Variants in CRIM1 observed in about 807,000 individuals in gnomAD.
The protein encoded by CRIM1 is cysteine rich transmembrane BMP regulator 1.
CRIM1 carries 32 observed loss-of-function variants against 116.4 expected under a neutral mutation model. The ratio of observed to expected loss-of-function variants is 0.27; its 90% CI spans 0.21 to 0.37. The LOEUF is 0.37. CRIM1 is among the 10% of genes least tolerant of loss of function. The probability of loss-of-function intolerance (pLI) is 1.00; values close to 1 mark genes in which losing one functional copy is unlikely to be tolerated. For missense variants in CRIM1, 1,331 were observed against 1,354.8 expected, an observed-to-expected ratio of 0.98 and a Z score of 0.28; for synonymous variants, 590 against 509.2, an observed-to-expected ratio of 1.16 and a Z score of -2.13.
intron 5 of CRIM1, among the ~76,000 whole-genome samples, chr2:36,470,672 C>A (rs996427000): frequency 1.3e-5 from 2 of 152,194 alleles, no homozygotes; most frequent in African/African-American, 4.8e-5. Flanking sequence ...TGCACCTGGT[C>A]TCCCAAGAGC....
chr2:36,369,267 C>T (rs1669793136), intron 1 of CRIM1: 2 of 152,252 alleles, frequency 1.3e-5, no homozygotes, highest in South Asian at 4.1e-4. Context: ...AGAGACCCCA[C>T]TTGCCCACAT....
At chr2:36,370,216 TA>T (rs1268354518) in intron 1 of CRIM1, among the ~76,000 whole-genome samples, 2 of 150,970 alleles carry the variant, frequency 1.3e-5, no homozygotes, top group Non-Finnish European at 3.0e-5. Context: ...TTTTTTTTTT[TA>T]AATAGTATGC....
intron 7 of CRIM1, among the ~76,000 whole-genome samples, chr2:36,487,984 C>T (rs142707670): frequency 1.6e-4 from 24 of 152,168 alleles, no homozygotes; most frequent in Non-Finnish European, 2.8e-4. Context: ...AAATAGGTTG[C>T]GATTCTAATA....
intron 4 of CRIM1, among the ~76,000 whole-genome samples, chr2:36,451,233 T>C (rs1676695646): frequency 6.6e-6 from 1 of 152,160 alleles, no homozygotes; most frequent in Non-Finnish European, 1.5e-5. Flanking sequence ...CTTACAGATA[T>C]GACCAATGCC....
chr2:36,394,436 A>G (rs1434198230), intron 1 of CRIM1, among the ~76,000 whole-genome samples: 1 of 152,056 alleles, frequency 6.6e-6, no homozygotes, highest in Non-Finnish European at 1.5e-5. Flanking sequence ...GTTATAACTG[A>G]AGACAAATAT....
At position 36,517,504 on chromosome 2, in the gene CRIM1, C is replaced by T. The variant is rs1385092540; in HGVS notation, c.2168C>T (p.Pro723Leu). 6.2e-7 allele frequency: 1 copy of T among 1,614,066 alleles called. No individual in the cohort carries two copies. Among genetic ancestry groups the T allele is most frequent in the Non-Finnish European group, 8.5e-7 (1 of 1,179,982 alleles). ...TGCCCACCGCTGCTCTGCCAGAACC[C>T]CTCACGCACCCAGGATTCCTGCTGC... ...EVCPPLLCQNPSRTQDSCCPQ... is the reference protein window; with the variant it reads ...EVCPPLLCQNLSRTQDSCCPQ... Residue 723 changes from proline (P) to leucine (L), a missense_variant, in exon 12 of 17, where the codon CCC (proline) becomes CTC (leucine). This residue lies in a region of CRIM1 where 358 missense variants were observed against 436.1 expected (regional missense o/e 0.82). Transcript: ENST00000280527.
At chr2:36,496,922 C>A (rs1309650821) in intron 7 of CRIM1, among the ~76,000 whole-genome samples, 1 of 152,166 alleles carries the variant, frequency 6.6e-6, no homozygotes, top group African/African-American at 2.4e-5. Context: ...GCACATACAT[C>A]ACTATTGAGA....
At chr2:36,386,316 C>G (rs1671165377) in intron 1 of CRIM1, among the ~76,000 whole-genome samples, 1 of 152,174 alleles carries the variant, frequency 6.6e-6, no homozygotes, top group African/African-American at 2.4e-5. Context: ...ATTTATTTAT[C>G]TAACATGGTT....
chr2:36,547,153 G>A lies in CRIM1; in HGVS notation c.2916G>A (p.Trp972Ter). 1.2e-6 allele frequency: 2 copies of A among 1,611,798 alleles called. No homozygotes were observed. The highest frequency in any genetic ancestry group is 1.7e-6 in the Non-Finnish European group (2 of 1,178,786). Residue 972 changes from tryptophan (W) to a stop codon, truncating the protein, a stop_gained, in exon 16 of 17, where the codon TGG (tryptophan) becomes TGA (stop). Transcript: ENST00000280527. LOFTEE classifies it high-confidence loss of function. ...AACAGTGGATACCACTGCTTTGCTG[G>A]TATCGAACACCAACTAAGGTACTGT... ...QKKQWIPLLC[W>*]YRTPTKPSSL...
intron 1 of CRIM1, among the ~76,000 whole-genome samples, chr2:36,395,526 A>T (rs963727026): frequency 6.6e-6 from 1 of 152,216 alleles, no homozygotes; most frequent in African/African-American, 2.4e-5. Context: ...ACAGAGAGAA[A>T]TAGTCTAATT....
chr2:36,453,083 A>T (rs994088056), intron 4 of CRIM1, among the ~76,000 whole-genome samples: 8 of 152,218 alleles, frequency 5.3e-5, no homozygotes, highest in Admixed American at 3.3e-4. Context: ...ACCAAAAGCA[A>T]CCCAAATCAC....
At chr2:36,506,525 C>A (rs1394394277) in intron 8 of CRIM1, among the ~76,000 whole-genome samples, 1 of 152,046 alleles carries the variant, frequency 6.6e-6, no homozygotes, top group African/African-American at 2.4e-5. Context: ...ATGGCGCCCC[C>A]GACAGCTGTG....
At chr2:36,485,463 A>G (rs763965728) in intron 7 of CRIM1, among the ~76,000 whole-genome samples, 3 of 152,182 alleles carry the variant, frequency 2.0e-5, no homozygotes, top group Non-Finnish European at 2.9e-5. Context: ...TGGAAGCACT[A>G]TATTCTCTCC....
chr2:36,410,842 C>A (rs1220247603), intron 2 of CRIM1, among the ~76,000 whole-genome samples: 1 of 152,076 alleles, frequency 6.6e-6, no homozygotes, highest in East Asian at 1.9e-4. Context: ...TGTTTGAGTT[C>A]ATGGCAGGGT....
chr2:36,470,697 A>G (rs1355883241), intron 5 of CRIM1, among the ~76,000 whole-genome samples: 2 of 152,226 alleles, frequency 1.3e-5, no homozygotes, highest in African/African-American at 2.4e-5. Flanking sequence ...ATGGAGGTGT[A>G]CAAGATTAGT....
intron 2 of CRIM1, among the ~76,000 whole-genome samples, chr2:36,419,330 G>A (rs934220219): frequency 6.6e-6 from 1 of 152,198 alleles, no homozygotes; most frequent in Admixed American, 6.5e-5. Flanking sequence ...TCTTTGGACA[G>A]TTGTGATTGA....
At chr2:36,444,585 G>C (rs1404451681) in intron 4 of CRIM1, among the ~76,000 whole-genome samples, 6 of 152,226 alleles carry the variant, frequency 3.9e-5, no homozygotes, top group Non-Finnish European at 8.8e-5. Flanking sequence ...AATGGCCAGA[G>C]TTAAATTTGC....
intron 4 of CRIM1, among the ~76,000 whole-genome samples, chr2:36,448,393 T>C (rs746855449): frequency 6.6e-6 from 1 of 152,224 alleles, no homozygotes; most frequent in African/African-American, 2.4e-5. Context: ...CTCAAGAAGA[T>C]AGAGAGTTCT....
In CRIM1 at chr2:36,510,441, G is replaced by A. The variant is rs76420918; in HGVS notation, c.1658+302G>A. 4.8e-3 allele frequency among the ~76,000 whole-genome samples: 736 copies of A among 152,254 alleles called. 3 individuals carry two copies. Among genetic ancestry groups the A allele is most frequent in the African/African-American group, 0.017 (714 of 41,530 alleles). On this transcript the variant is annotated intron_variant, in intron 9 of 16. Coordinates refer to ENST00000280527, the MANE Select transcript of CRIM1 (RefSeq NM_016441.3). ...GCTGGCAAGATTAGGAGATGGAATTGTGAGGTCCCAGTGTTGGAAGTGCTA... is the reference window on the plus strand; with the variant it reads ...GCTGGCAAGATTAGGAGATGGAATTATGAGGTCCCAGTGTTGGAAGTGCTA...
Sources: allele counts gnomAD v4.1 joint callset (sites outside exome capture counted in the v4.1 genomes callset), GRCh38; gene constraint gnomAD v4.1.1; regional missense constraint gnomAD v4.1.1; transcripts MANE v1.5; gene names NCBI Gene and HGNC (gene_info 2026-07-23, HGNC 2026-07-21).